The following HDAC9 variants were observed in gnomAD, a reference collection of about 807,000 sequenced individuals.
HDAC9 encodes the protein MEF-2 interacting transcription repressor (MITR) protein.
HDAC9 carries 41 observed loss-of-function variants against 139.4 expected under a neutral mutation model. The observed-to-expected ratio is 0.29, with a 90% CI of 0.23 to 0.38. The LOEUF is 0.38. Among genes scored for constraint, HDAC9 ranks in the 10% least tolerant of loss-of-function variants. The pLI is 1.00. For synonymous variants in HDAC9, 517 were observed against 476.2 expected, an observed-to-expected ratio of 1.09 and a Z score of -1.12; for missense variants, 1,147 against 1,297.0, an observed-to-expected ratio of 0.88 and a Z score of 1.78.
chr7:18,318,782 C>T (rs1014135445), intron 1 of HDAC9, among the ~76,000 whole-genome samples: 1 of 152,106 alleles, frequency 6.6e-6, no homozygotes, highest in Non-Finnish European at 1.5e-5. Flanking sequence ...TACCTCTTTT[C>T]CTCTGTTTCT....
rs114445952 is a variant in HDAC9, at chr7:18,751,344, G to T, written c.2043+2206G>T. ...CTCACAAGCCCAGGTCAGCAGATTT[G>T]CTCTTAATTAAGATTAAGCACAAAC... On this transcript the variant is annotated intron_variant, in intron 14 of 25. Transcript: ENST00000686413. Among the ~76,000 whole-genome samples, 773 of 152,108 alleles carry T rather than the reference G, an allele frequency of 5.1e-3. 8 individuals are homozygous for T. The highest frequency in any genetic ancestry group is 0.018 in the African/African-American group (755 of 41,502).
At chr7:18,135,739 T>A (rs1446701377) in intron 1 of HDAC9, among the ~76,000 whole-genome samples, 1 of 147,886 alleles carries the variant, frequency 6.8e-6, no homozygotes, top group Non-Finnish European at 1.5e-5. Context: ...TCTTTGCTAT[T>A]GTGAATAATG....
intron 22 of HDAC9, among the ~76,000 whole-genome samples, chr7:18,917,705 T>G (rs772572563): frequency 2.6e-5 from 4 of 152,026 alleles, no homozygotes; most frequent in Admixed American, 2.6e-4. Flanking sequence ...TTTCATGTAT[T>G]CACCTTAACT....
At chr7:18,872,875 C>T (rs974596978) in intron 21 of HDAC9, among the ~76,000 whole-genome samples, 1 of 152,126 alleles carries the variant, frequency 6.6e-6, no homozygotes, top group African/African-American at 2.4e-5. Flanking sequence ...AAATTGATTA[C>T]TACGATGCTT....
intron 8 of HDAC9, among the ~76,000 whole-genome samples, chr7:18,643,646 A>AG (rs1562719410): frequency 1.3e-5 from 2 of 152,094 alleles, no homozygotes; most frequent in Admixed American, 1.3e-4. Context: ...AGGTTTGTCC[A>AG]GGGGAAAATC....
intron 1 of HDAC9, among the ~76,000 whole-genome samples, chr7:18,120,416 C>G (rs1584162507): frequency 6.6e-6 from 1 of 152,200 alleles, no homozygotes; most frequent in African/African-American, 2.4e-5. Context: ...TCTTCAATGT[C>G]AAGCCATTCA....
chr7:18,798,376 G>A (rs971581768), intron 17 of HDAC9, among the ~76,000 whole-genome samples: 1 of 152,178 alleles, frequency 6.6e-6, no homozygotes, highest in African/African-American at 2.4e-5. Context: ...AACTCAGGAA[G>A]CATGTTTCAA....
intron 2 of HDAC9, among the ~76,000 whole-genome samples, chr7:18,522,136 T>C (rs1239795131): frequency 1.3e-5 from 2 of 152,132 alleles, no homozygotes; most frequent in African/African-American, 4.8e-5. Context: ...AAATGTGTTA[T>C]GCATATATTA....
At chr7:18,955,259 TAAGCTTAAG>T (rs1783069601) in intron 24 of HDAC9, among the ~76,000 whole-genome samples, 1 of 152,120 alleles carries the variant, frequency 6.6e-6, no homozygotes. Flanking sequence ...GGTGATTTCA[TAAGCTTAAG>T]AAGAAAATCC....
At chr7:18,445,331 A>G (rs550915522) in intron 1 of HDAC9, among the ~76,000 whole-genome samples, 7 of 152,204 alleles carry the variant, frequency 4.6e-5, no homozygotes, top group Admixed American at 6.5e-5. Flanking sequence ...GTTTTCTACT[A>G]TAGGCTATTT....
intron 22 of HDAC9, among the ~76,000 whole-genome samples, chr7:18,895,126 G>A (rs1240274033): frequency 6.6e-6 from 1 of 152,078 alleles, no homozygotes; most frequent in Non-Finnish European, 1.5e-5. Flanking sequence ...AACAACTTAT[G>A]AGCCCATGTA....
chr7:18,450,628 A>T (rs1023962401), intron 1 of HDAC9, among the ~76,000 whole-genome samples: 1 of 152,224 alleles, frequency 6.6e-6, no homozygotes, highest in Admixed American at 6.5e-5. Context: ...TTTAAGAAAT[A>T]AATTATTTCC....
intron 2 of HDAC9, among the ~76,000 whole-genome samples, chr7:18,200,713 G>A (rs1791056959): frequency 6.6e-6 from 1 of 152,176 alleles, no homozygotes; most frequent in Non-Finnish European, 1.5e-5. Flanking sequence ...CATACAAAGA[G>A]AAGCTACTTT....
chr7:18,101,603 G>T (rs1028444635), intron 1 of HDAC9, among the ~76,000 whole-genome samples: 1 of 151,942 alleles, frequency 6.6e-6, no homozygotes, highest in Non-Finnish European at 1.5e-5. Context: ...AGTTTATTTT[G>T]ATATTCTACA....
chr7:18,876,682 T>G (rs1799342781), intron 22 of HDAC9, among the ~76,000 whole-genome samples: 2 of 151,726 alleles, frequency 1.3e-5, no homozygotes, highest in Admixed American at 1.3e-4. Flanking sequence ...AGAAAATGTT[T>G]CATAAAATGG....
intron 6 of HDAC9, among the ~76,000 whole-genome samples, chr7:18,624,648 G>C (rs1841148539): frequency 6.6e-6 from 1 of 151,968 alleles, no homozygotes; most frequent in South Asian, 2.1e-4. Flanking sequence ...GTAAGTCACT[G>C]GCATGGAAAT....
intron 23 of HDAC9, among the ~76,000 whole-genome samples, chr7:18,939,224 A>G (rs1781859748): frequency 6.6e-6 from 1 of 152,186 alleles, no homozygotes; most frequent in Non-Finnish European, 1.5e-5. Flanking sequence ...ATGCTTTTCT[A>G]TATTTTTTGC....
chr7:18,749,191 AG>A, intron 14 of HDAC9, 53 bp downstream of exon 14: 1 of 1,571,308 alleles, frequency 6.4e-7, no homozygotes, highest in South Asian at 1.1e-5. Flanking sequence ...TCATGTAAAG[AG>A]GCCAGTATTC....
intron 7 of HDAC9, among the ~76,000 whole-genome samples, chr7:18,629,819 C>T (rs1781789699): frequency 6.6e-6 from 1 of 152,050 alleles, no homozygotes; most frequent in African/African-American, 2.4e-5. Flanking sequence ...CAGAAATGAG[C>T]AGAGGGAGGT....
Sources: gnomAD v4.1 joint callset for allele counts (sites outside exome capture counted in the v4.1 genomes callset) on GRCh38, gnomAD v4.1.1 for gene constraint, MANE v1.5 for transcripts, NCBI Gene and HGNC (gene_info 2026-07-23, HGNC 2026-07-21) for gene names.